The following KISS1 variants were observed in gnomAD, a reference collection of about 807,000 sequenced individuals.
KISS1 encodes the protein metastasis-suppressor KiSS-1.
For missense variants in KISS1, 182 were observed against 182.7 expected (o/e 1.00, Z 0.02); for synonymous variants, 97 against 88.7 (o/e 1.09, Z -0.52).
chr1:204,190,531 G>A lies in KISS1; in HGVS notation c.370C>T (p.Arg124Trp). 1 of 1,606,796 alleles carries A rather than the reference G, an allele frequency of 6.2e-7. No individual in the cohort carries two copies. Among genetic ancestry groups the A allele is most frequent in the South Asian group, 1.1e-5 (1 of 90,106 alleles). Residue 124 changes from arginine (R) to tryptophan (W), a missense_variant, in exon 3 of 3, where the codon CGG becomes TGG. Transcript: ENST00000367194. Reference protein sequence around the residue: ...WNSFGLRFGKREAAPGNHGRS... With the variant: ...WNSFGLRFGKWEAAPGNHGRS... ...CCGTGGTTCCCTGGTGCCGCCTCCC[G>A]CTTGCCGAAGCGCAGGCCGAAGGAG...
intron 1 of KISS1, 53 bp downstream of exon 1, chr1:204,196,323 C>A (rs1658857064): frequency 6.6e-6 from 1 of 152,454 alleles, no homozygotes; most frequent in Admixed American, 6.5e-5. Context: ...TCCAGAGCAT[C>A]CCCAGGTCAG....
At chr1:204,195,151 C>CCACACCACACATG (rs1658813694) in intron 1 of KISS1, among the ~76,000 whole-genome samples, 1 of 4,028 alleles carries the variant, frequency 2.5e-4, no homozygotes, top group Non-Finnish European at 6.3e-4. Flanking sequence ...CACACACCCC[C>CCACACCACACATG]CACACCACAC....
intron 1 of KISS1, among the ~76,000 whole-genome samples, chr1:204,193,889 C>T (rs1658792151): frequency 6.6e-6 from 1 of 152,034 alleles, no homozygotes; most frequent in South Asian, 2.1e-4. Flanking sequence ...TGAGACTGTC[C>T]AACAAACACG....
At chr1:204,191,242 A>G (rs10159075) in intron 2 of KISS1, among the ~76,000 whole-genome samples, 14,995 of 152,184 alleles carry the variant, frequency 0.099, 772 homozygotes, top group African/African-American at 0.14. Context: ...TGTTAAATAC[A>G]TAAAAGCTAA....
intron 1 of KISS1, among the ~76,000 whole-genome samples, chr1:204,194,182 C>T (rs1033670441): frequency 2.0e-5 from 3 of 152,186 alleles, no homozygotes; most frequent in Non-Finnish European, 4.4e-5. Context: ...AATCTTGCCC[C>T]AGCTCTGCTT....
At chr1:204,193,158 G>A (rs553072991) in intron 1 of KISS1, among the ~76,000 whole-genome samples, 1 of 152,338 alleles carries the variant, frequency 6.6e-6, no homozygotes, top group East Asian at 1.9e-4. Flanking sequence ...CTTCCTGGAG[G>A]AGGTGAGGAC....
At chr1:204,191,214 G>A (rs1287620278) in intron 2 of KISS1, among the ~76,000 whole-genome samples, 2 of 152,108 alleles carry the variant, frequency 1.3e-5, no homozygotes, top group African/African-American at 4.8e-5. Context: ...TGCTCATAGT[G>A]GGGCCTCAAT....
At chr1:204,195,554 C>T (rs1157130418) in intron 1 of KISS1, among the ~76,000 whole-genome samples, 1 of 149,940 alleles carries the variant, frequency 6.7e-6, no homozygotes, top group Non-Finnish European at 1.5e-5. Flanking sequence ...TATACCCATA[C>T]ACCCGTACAC....
rs948838600 is a variant in KISS1 at position 204,190,414 on chromosome 1, G to GC, written c.*69dup. 8 of 536,248 alleles carry GC rather than the reference G, an allele frequency of 1.5e-5. No individual in the cohort carries two copies. The highest frequency in any genetic ancestry group is 2.0e-5 in the South Asian group (1 of 50,140). 33.2% of individuals were successfully genotyped at this position (536,248 alleles called of 1,614,324 possible). A position where few individuals can be genotyped will look rare whatever the true frequency, so the allele number is the denominator to read the frequency against. The stretch of plus-strand genomic sequence containing the variant: ...CCCCCTCCCTTAGCCCTACGTCCCC[G>GC]CCCCCCGCCCCCGCCCCGCATGCTC... On this transcript the variant is annotated 3_prime_UTR_variant, in exon 3 of 3. Coordinates refer to ENST00000367194, the MANE Select transcript of KISS1 (RefSeq NM_002256.4).
chr1:204,195,147 C>T (rs1213280746), intron 1 of KISS1, among the ~76,000 whole-genome samples: 1 of 9,390 alleles, frequency 1.1e-4, no homozygotes, highest in Non-Finnish European at 2.6e-4. Flanking sequence ...CACACACACA[C>T]CCCCCACACC....
chr1:204,195,204 CAT>C (rs1658817738), intron 1 of KISS1, among the ~76,000 whole-genome samples: 5 of 150,862 alleles, frequency 3.3e-5, no homozygotes, highest in Non-Finnish European at 7.4e-5. Context: ...ACACCACACA[CAT>C]ATATACGCAC....
rs369561225 is a variant in KISS1, at chr1:204,192,883, G to A, written c.-7C>T. On this transcript the variant is annotated 5_prime_UTR_variant, in exon 2 of 3. Transcript: ENST00000367194. The surrounding 1 kb of genome is among the most constrained non-coding windows in gnomAD (Gnocchi z 4.2). ...AAGAAACCAGTGAGTTCATCTTGGT[G>A]AGAAGAGGCAGGTCCTAGAAGTGCC... 301 of 1,568,838 alleles carry A rather than the reference G, an allele frequency of 1.9e-4. 2 individuals are homozygous for A. In the South Asian group the frequency reaches 2.1e-3, roughly 11 times the overall value.
In KISS1 at chr1:204,192,483, A is replaced by G. The variant is rs1658762726; in HGVS notation, c.103+291T>C. On this transcript the variant is annotated intron_variant, in intron 2 of 2. Coordinates refer to ENST00000367194, the MANE Select transcript of KISS1 (RefSeq NM_002256.4). This position sits in a 1 kb window ranked among gnomAD's most constrained non-coding sequence, Gnocchi z 4.2. ...AAGTTTCTTCTCAACATCGGCACAG[A>G]GAGGTTGCTGACGTAGAGCAGAGAA... is the stretch of plus-strand genomic sequence containing the variant. Among the ~76,000 whole-genome samples the G allele has an allele frequency of 6.6e-6, 1 of 151,988 alleles. No homozygotes were observed. The highest frequency in any genetic ancestry group is 6.6e-5 in the Admixed American group (1 of 15,254).
In KISS1 at chr1:204,192,652, C is replaced by T. The variant is rs1043974053; in HGVS notation, c.103+122G>A. ...CTCAATGAGTTGCATGTGTGCCAGT[C>T]TTAGATTTCCACCAAATGCAATGTT... On this transcript the variant is annotated intron_variant, in intron 2 of 2. Transcript: ENST00000367194. This position sits in a 1 kb window ranked among gnomAD's most constrained non-coding sequence, Gnocchi z 4.2. 4.2e-6 allele frequency: 3 copies of T among 720,068 alleles called. No homozygotes were observed. Among genetic ancestry groups the T allele is most frequent in the African/African-American group, 1.7e-5 (1 of 57,228 alleles). 44.6% of individuals were successfully genotyped at this position (720,068 alleles called of 1,614,324 possible). A position where few individuals can be genotyped will look rare whatever the true frequency, so the allele number is the denominator to read the frequency against.
At chr1:204,195,987 C>T (rs1277290057) in intron 1 of KISS1, among the ~76,000 whole-genome samples, 2 of 152,136 alleles carry the variant, frequency 1.3e-5, no homozygotes, top group Non-Finnish European at 2.9e-5. Context: ...CTTGTATTTG[C>T]CATCTGTAAT....
chr1:204,190,687 A>T lies in KISS1; in HGVS notation c.214T>A (p.Ser72Thr), dbSNP rs1658722584. 6.3e-7 allele frequency: 1 copy of T among 1,592,432 alleles called. No homozygotes were observed. Among genetic ancestry groups the T allele is most frequent in the South Asian group, 1.1e-5 (1 of 88,164 alleles). ...CTCCCGGAGCTCTCGGGGGGCGGGG[A>T]CAGCGAGGTCCCCCGACGGCTCAGC... is the stretch of plus-strand genomic sequence containing the variant. The part of the protein sequence containing the change: ...ARLSRRGTSL[S>T]PPPESSGSPQ... The change falls in exon 3 of 3, where the codon TCC (serine) becomes ACC (threonine). Residue 72 changes from serine (S) to threonine (T), a missense_variant. Physicochemically the swap from Ser to Thr is moderately conservative, Grantham distance 58. Transcript: ENST00000367194.
rs1177046972 is a variant in KISS1, at chr1:204,196,370, GCC to G, written c.-39+4_-39+5del. 6.6e-6 allele frequency: 1 copy of G among 152,382 alleles called. No individual in the cohort carries two copies. The highest frequency in any genetic ancestry group is 1.5e-5 in the Non-Finnish European group (1 of 68,198). The allele number at this position is 152,382 out of a possible 1,614,324, so 9.4% of individuals were successfully genotyped here. On this transcript the variant is annotated splice_donor_5th_base_variant and intron_variant, in intron 1 of 2. Transcript: ENST00000367194. ...TTCCCAGGGGTGGACACTGCAGTGT[GCC>G]TACCTTGCCTCAGTCCTGGCCTGGG... is the stretch of plus-strand genomic sequence containing the variant.
At chr1:204,195,230 T>TGCACACCACACAC (rs1571667485) in intron 1 of KISS1, among the ~76,000 whole-genome samples, 1 of 3,988 alleles carries the variant, frequency 2.5e-4, no homozygotes, top group South Asian at 0.013. Flanking sequence ...CCCATACACA[T>TGCACACCACACAC]ATACACGCAT....
chr1:204,192,983 CCAGTG>C lies in KISS1; in HGVS notation c.-38-74_-38-70del. On this transcript the variant is annotated intron_variant, in intron 1 of 2. Transcript: ENST00000367194. This position sits in a 1 kb window ranked among gnomAD's most constrained non-coding sequence, Gnocchi z 4.2. The stretch of plus-strand genomic sequence containing the variant: ...CTGGGCTGGGTGCTGAGGGCAGAGC[CCAGTG>C]CAAAAGGGACAGTCCTCCAAGAGAG... 1 of 801,658 alleles carries C rather than the reference CCAGTG, an allele frequency of 1.2e-6. No homozygotes were observed. The highest frequency in any genetic ancestry group is 1.5e-5 in the South Asian group (1 of 68,664). The allele number at this position is 801,658 out of a possible 1,614,324, so 49.7% of individuals were successfully genotyped here. A position where few individuals can be genotyped will look rare whatever the true frequency, so the allele number is the denominator to read the frequency against.
Sources: allele counts gnomAD v4.1 joint callset (sites outside exome capture counted in the v4.1 genomes callset), GRCh38; gene constraint gnomAD v4.1.1; non-coding constraint Gnocchi (gnomAD v3.1); transcripts MANE v1.5; gene names NCBI Gene and HGNC (gene_info 2026-07-23, HGNC 2026-07-21).